Variants in PDE4DIP observed in about 807,000 individuals in gnomAD.
PDE4DIP encodes myomegalin.
A neutral mutation model predicts 221.4 loss-of-function variants in PDE4DIP; 59 were observed. The ratio of observed to expected loss-of-function variants is 0.27; its 90% confidence interval spans 0.22 to 0.33. PDE4DIP has a LOEUF of 0.33. PDE4DIP is among the 10% of genes least tolerant of loss of function. The pLI is 1.00. For synonymous variants in PDE4DIP, 404 were observed against 815.9 expected, an observed-to-expected ratio of 0.50 and a Z score of 8.60; for missense variants, 1,036 against 2,154.2, an observed-to-expected ratio of 0.48 and a Z score of 10.28.
intron 5 of PDE4DIP, among the ~76,000 whole-genome samples, chr1:148,956,429 A>T (rs1166728724): frequency 6.6e-6 from 1 of 151,916 alleles, no homozygotes; most frequent in Non-Finnish European, 1.5e-5. Flanking sequence ...TTAAAGAAAA[A>T]TAGCAACAGT....
At chr1:148,984,172 C>A (rs2061531313) in intron 21 of PDE4DIP, 1 of 151,936 alleles carries the variant, frequency 6.6e-6, no homozygotes, top group African/African-American at 2.4e-5. Flanking sequence ...CAAGTTATAA[C>A]TTTTTTGAAA....
At chr1:149,020,050 C>T (rs1575492305) in intron 35 of PDE4DIP, 97 bp from the exon 39 acceptor site, 2 of 576,010 alleles carry the variant, frequency 3.5e-6, no homozygotes, top group East Asian at 2.9e-5. Context: ...CTTCCCTGCT[C>T]CTTAGCTCTG....
At chr1:148,933,348 T>C (rs2048492312) in intron 4 of PDE4DIP, among the ~76,000 whole-genome samples, 3 of 152,152 alleles carry the variant, frequency 2.0e-5, no homozygotes, top group South Asian at 4.2e-4. Context: ...AGGTAAGCTG[T>C]TTTGAGAATA....
intron 22 of PDE4DIP, chr1:148,993,615 A>G (rs2152404063): frequency 3.2e-6 from 4 of 1,247,264 alleles, no homozygotes; most frequent in Non-Finnish European, 4.1e-6. Flanking sequence ...ATTACTTGGC[A>G]TAGGAGAGAT....
intron 21 of PDE4DIP, chr1:148,985,319 T>C (rs1365091163): frequency 1.3e-5 from 2 of 151,998 alleles, no homozygotes; most frequent in African/African-American, 2.4e-5. Flanking sequence ...TATATTCGAG[T>C]GATTTCTGTA....
intron 22 of PDE4DIP, among the ~76,000 whole-genome samples, chr1:148,995,936 A>C (rs1238904647): frequency 5.3e-5 from 8 of 151,514 alleles, no homozygotes; most frequent in African/African-American, 7.2e-5. Flanking sequence ...AAAAAAAAAA[A>C]ACCTTAAAGT....
intron 2 of PDE4DIP, among the ~76,000 whole-genome samples, chr1:148,865,779 AATC>A (rs1477348390): frequency 3.7e-5 from 1 of 26,900 alleles, no homozygotes; most frequent in East Asian, 6.0e-4. Context: ...TTTAAAAACA[AATC>A]ATATGATCTT....
At chr1:148,977,636 C>T (rs1553538698) in intron 17 of PDE4DIP, among the ~76,000 whole-genome samples, 1 of 152,048 alleles carries the variant, frequency 6.6e-6, no homozygotes, top group Non-Finnish European at 1.5e-5. Context: ...AAAACTTCAT[C>T]TCTTCTTGCT....
intron 21 of PDE4DIP, among the ~76,000 whole-genome samples, chr1:148,989,578 T>G (rs2062601862): frequency 6.6e-6 from 1 of 152,214 alleles, no homozygotes; most frequent in African/African-American, 2.4e-5. Context: ...GGTCCTGGGA[T>G]GTGGGCCCAG....
intron 1 of PDE4DIP, among the ~76,000 whole-genome samples, chr1:148,890,351 CCATCATAG>C (rs1299714572): frequency 2.0e-5 from 3 of 150,442 alleles, no homozygotes; most frequent in African/African-American, 7.3e-5. Context: ...TGCAGTGTCA[CCATCATAG>C]CACTGCAGCC....
intron 26 of PDE4DIP, among the ~76,000 whole-genome samples, chr1:149,004,432 CA>C (rs1374099090): frequency 8.7e-6 from 1 of 115,604 alleles, no homozygotes; most frequent in African/African-American, 3.4e-5. Flanking sequence ...ATTTTTCATA[CA>C]GTTGTAACCC....
At chr1:149,020,640 A>G in intron 36 of PDE4DIP, 2 of 370,078 alleles carry the variant, frequency 5.4e-6, no homozygotes, top group Non-Finnish European at 1.0e-5. Flanking sequence ...AATTAGATAT[A>G]GGACATTAGT....
At chr1:148,816,265 CTT>C (rs1380909352) in intron 1 of PDE4DIP, among the ~76,000 whole-genome samples, 1 of 149,802 alleles carries the variant, frequency 6.7e-6, no homozygotes, top group African/African-American at 2.4e-5. Context: ...ACAGATGTCT[CTT>C]TGTGTCCCTG....
At chr1:148,978,127 A>G in intron 18 of PDE4DIP, 74 bp downstream of exon 21, 2 of 1,399,124 alleles carry the variant, frequency 1.4e-6, no homozygotes, top group Non-Finnish European at 1.0e-6. Context: ...TTCAGACAAT[A>G]TTTGCACACA....
intron 23 of PDE4DIP, among the ~76,000 whole-genome samples, chr1:148,998,793 G>A (rs2064927633): frequency 6.6e-6 from 1 of 150,648 alleles, no homozygotes; most frequent in Non-Finnish European, 1.5e-5. Context: ...CTGGAGTGCA[G>A]TGGCAAGATC....
intron 1 of PDE4DIP, among the ~76,000 whole-genome samples, chr1:148,892,226 C>T (rs1433350274): frequency 8.3e-6 from 1 of 120,544 alleles, no homozygotes; most frequent in Non-Finnish European, 1.7e-5. Context: ...AACTCCTGAC[C>T]TCAGGCGATC....
rs372777506 is a variant in PDE4DIP, at chr1:149,032,970, A to G, written c.*985A>G. 2.1e-4 allele frequency: 40 copies of G among 190,732 alleles called. No homozygotes were observed. In the East Asian group the frequency reaches 3.3e-3, roughly 16 times the overall value. The allele number at this position is 190,732 out of a possible 1,614,324, so 11.8% of individuals were successfully genotyped here. A position where few individuals can be genotyped will look rare whatever the true frequency, so the allele number is the denominator to read the frequency against. ...ACAGAAAATGAAAGTCTTTTTGGTG[A>G]TTGTTAAAGCAAAATGTGTATAAAG... On this transcript the variant is annotated 3_prime_UTR_variant, in exon 44 of 44. Transcript: ENST00000369354.
chr1:149,016,264 C>G (rs1553610505), intron 32 of PDE4DIP, 35 bp from the exon 36 acceptor site: 4 of 1,610,144 alleles, frequency 2.5e-6, no homozygotes, highest in African/African-American at 1.3e-5. Context: ...TTCTGACACC[C>G]CATTTGCTTC....
chr1:149,001,712 G>T (rs782318434), exon 24 of PDE4DIP: 15 of 1,510,050 alleles, frequency 9.9e-6, no homozygotes, highest in Non-Finnish European at 1.2e-5. Flanking sequence ...GGTTGAGACT[G>T]TGGTAACCAA....
Sources: allele counts gnomAD v4.1 joint callset (sites outside exome capture counted in the v4.1 genomes callset), GRCh38; gene constraint gnomAD v4.1.1; transcripts MANE v1.5; gene names NCBI Gene and HGNC (gene_info 2026-07-23, HGNC 2026-07-21).